Variants in CTNND2 observed in about 807,000 individuals in gnomAD.
CTNND2 encodes catenin delta-2.
In CTNND2, 22 loss-of-function variants were observed where a neutral mutation model predicts 144.4. The observed-to-expected ratio is 0.15, with a 90% CI of 0.11 to 0.22. The LOEUF is 0.22. Among genes scored for constraint, CTNND2 ranks in the 10% least tolerant of loss-of-function variants. The pLI, the probability that CTNND2 is intolerant of heterozygous loss-of-function variation, is 1.00. For missense variants in CTNND2, 1,353 were observed against 1,618.8 expected (o/e 0.84, Z 2.82); for synonymous variants, 751 against 695.6 (o/e 1.08, Z -1.25).
At position 11,709,560 on chromosome 5, in the gene CTNND2, CAGTT is replaced by C. The variant is rs113429620; in HGVS notation, c.174+22572_174+22575del. Among the ~76,000 whole-genome samples, 715 of 152,254 alleles carry C rather than the reference CAGTT, an allele frequency of 4.7e-3. 9 individuals are homozygous for C. The highest frequency in any genetic ancestry group is 0.01 in the African/African-American group (427 of 41,556). ...TAAAATTGTGTACAATAATCCCAAA[CAGTT>C]AGTTATTTTTTTCTGCTTGCTAAGA... On this transcript the variant is annotated intron_variant, in intron 2 of 21. Transcript: ENST00000304623.
chr5:11,350,652 G>A (rs1755233375), intron 8 of CTNND2, among the ~76,000 whole-genome samples: 1 of 152,088 alleles, frequency 6.6e-6, no homozygotes, highest in Admixed American at 6.5e-5. Context: ...AATTGGTGCT[G>A]TTATAGTAAA....
chr5:11,044,806 G>T (rs1028311197), intron 16 of CTNND2, among the ~76,000 whole-genome samples: 1 of 152,190 alleles, frequency 6.6e-6, no homozygotes, highest in Non-Finnish European at 1.5e-5. Context: ...CACAGGATCA[G>T]CTGGTGGTTC....
Position 11,007,098 on chromosome 5 carries a change from A to G in CTNND2, c.3084+10876T>C, listed in dbSNP as rs1373090533. On this transcript the variant is annotated intron_variant, in intron 18 of 21. Coordinates refer to ENST00000304623, the MANE Select transcript of CTNND2 (RefSeq NM_001332.4). ...CCAATGTGGATGTATCCACTTCAGA[A>G]TTTCCAGAACCTAGAAGGGAGCAGA... is the stretch of plus-strand genomic sequence containing the variant. 5.3e-5 allele frequency among the ~76,000 whole-genome samples: 8 copies of G among 152,328 alleles called. No homozygotes were observed. In the East Asian group the frequency reaches 1.5e-3, roughly 29 times the overall value.
intron 2 of CTNND2, among the ~76,000 whole-genome samples, chr5:11,696,289 T>C (rs976375888): frequency 8.3e-6 from 1 of 120,680 alleles, no homozygotes; most frequent in Non-Finnish European, 1.5e-5. Flanking sequence ...TCATGAAATA[T>C]TCTTCTTTTG....
chr5:11,771,600 C>T (rs966913053), intron 1 of CTNND2, among the ~76,000 whole-genome samples: 3 of 152,032 alleles, frequency 2.0e-5, no homozygotes, highest in African/African-American at 7.2e-5. Flanking sequence ...CACATGTAGT[C>T]TTCTTTATCA....
intron 3 of CTNND2, among the ~76,000 whole-genome samples, chr5:11,558,071 T>G (rs1460801385): frequency 2.6e-5 from 4 of 152,178 alleles, no homozygotes; most frequent in Non-Finnish European, 4.4e-5. Flanking sequence ...AATCCATAAA[T>G]CTAGAAATCC....
intron 16 of CTNND2, among the ~76,000 whole-genome samples, chr5:11,050,541 C>T (rs571689534): frequency 4.7e-4 from 71 of 152,256 alleles, no homozygotes; most frequent in African/African-American, 1.6e-3. Flanking sequence ...AGCTCTATTA[C>T]GTTATAACTC....
intron 2 of CTNND2, among the ~76,000 whole-genome samples, chr5:11,728,007 T>C (rs1415200117): frequency 3.3e-5 from 5 of 152,212 alleles, no homozygotes; most frequent in Non-Finnish European, 5.9e-5. Context: ...ACTTTTGAAA[T>C]TCTAAATGTA....
At chr5:11,497,226 CTTTTT>C (rs5865948) in intron 3 of CTNND2, among the ~76,000 whole-genome samples, 1 of 145,598 alleles carries the variant, frequency 6.9e-6, no homozygotes, top group African/African-American at 2.5e-5. Flanking sequence ...CATGTGACTA[CTTTTT>C]TTTTTTAATA....
intron 2 of CTNND2, among the ~76,000 whole-genome samples, chr5:11,586,716 T>A (rs1778889295): frequency 6.6e-6 from 1 of 152,196 alleles, no homozygotes; most frequent in Non-Finnish European, 1.5e-5. Flanking sequence ...AATTTGTGAG[T>A]CAAATGGGCA....
At chr5:11,513,131 G>A (rs994645686) in intron 3 of CTNND2, among the ~76,000 whole-genome samples, 3 of 152,124 alleles carry the variant, frequency 2.0e-5, no homozygotes, top group Admixed American at 2.0e-4. Flanking sequence ...GTGGGTACAG[G>A]GGACACATGC....
chr5:11,681,003 G>A (rs1305847223), intron 2 of CTNND2, among the ~76,000 whole-genome samples: 1 of 152,036 alleles, frequency 6.6e-6, no homozygotes, highest in Non-Finnish European at 1.5e-5. Flanking sequence ...TAGAGGATGA[G>A]ATGGAGGGCT....
chr5:11,427,530 T>G (rs1482493186), intron 3 of CTNND2, among the ~76,000 whole-genome samples: 1 of 152,116 alleles, frequency 6.6e-6, no homozygotes, highest in African/African-American at 2.4e-5. Context: ...TCCACCTGCC[T>G]CAGCCTCTCA....
At chr5:11,524,880 ATGT>A (rs1773085995) in intron 3 of CTNND2, among the ~76,000 whole-genome samples, 1 of 152,076 alleles carries the variant, frequency 6.6e-6, no homozygotes, top group African/African-American at 2.4e-5. Flanking sequence ...AAAGACTACA[ATGT>A]TGTCCTTTTA....
intron 1 of CTNND2, among the ~76,000 whole-genome samples, chr5:11,801,455 T>C (rs972040633): frequency 6.6e-6 from 1 of 152,176 alleles, no homozygotes; most frequent in African/African-American, 2.4e-5. Context: ...CTAATTTGAA[T>C]AGGCACAGAG....
chr5:11,197,379 T>C (rs1056474171), intron 11 of CTNND2, among the ~76,000 whole-genome samples: 27 of 152,300 alleles, frequency 1.8e-4, no homozygotes, highest in South Asian at 1.7e-3. Context: ...AAAGACAGCA[T>C]TTCGTCTAGG....
intron 7 of CTNND2, among the ~76,000 whole-genome samples, chr5:11,365,214 T>C (rs1420316870): frequency 2.0e-5 from 3 of 152,230 alleles, no homozygotes; most frequent in Admixed American, 6.5e-5. Context: ...ATCAGGTAGA[T>C]AGTCAGTCCT....
At chr5:11,877,605 T>C (rs1310200723) in intron 1 of CTNND2, among the ~76,000 whole-genome samples, 1 of 152,158 alleles carries the variant, frequency 6.6e-6, no homozygotes, top group African/African-American at 2.4e-5. Context: ...ATATTTAAAG[T>C]ATCTAATATT....
intron 2 of CTNND2, among the ~76,000 whole-genome samples, chr5:11,589,187 C>T (rs1216387943): frequency 6.6e-6 from 1 of 152,022 alleles, no homozygotes; most frequent in African/African-American, 2.4e-5. Context: ...AAAGGACCCT[C>T]CCACTAGCCT....
Sources: gnomAD v4.1 joint callset for allele counts (sites outside exome capture counted in the v4.1 genomes callset) on GRCh38, gnomAD v4.1.1 for gene constraint, MANE v1.5 for transcripts, NCBI Gene and HGNC (gene_info 2026-07-23, HGNC 2026-07-21) for gene names.